Variants in HSPH1 observed in about 807,000 individuals in gnomAD.
HSPH1 encodes heat shock protein family H (Hsp110) member 1.
HSPH1 carries 40 observed loss-of-function variants against 100.0 expected under a neutral mutation model. The ratio of observed to expected loss-of-function variants is 0.40; its 90% confidence interval spans 0.31 to 0.52. HSPH1 has a LOEUF of 0.52. Among genes scored for constraint, HSPH1 ranks in the 20% least tolerant of loss-of-function variants. HSPH1 has a pLI of 0.54. For synonymous variants in HSPH1, 403 were observed against 344.0 expected (o/e 1.17, Z -1.90); for missense variants, 876 against 1,015.1 (o/e 0.86, Z 1.86).
intron 8 of HSPH1, among the ~76,000 whole-genome samples, chr13:31,148,739 A>G (rs1426163916): frequency 1.3e-5 from 2 of 152,068 alleles, no homozygotes; most frequent in Non-Finnish European, 2.9e-5. Context: ...TTCACAGGGG[A>G]TTAGGAAAAA....
chr13:31,146,413 G>A (rs2137576262), intron 10 of HSPH1, among the ~76,000 whole-genome samples: 1 of 152,256 alleles, frequency 6.6e-6, no homozygotes, highest in South Asian at 2.1e-4. Context: ...AGCAGTCCTT[G>A]TCTCCTCCTA....
At position 31,140,266 on chromosome 13, in the gene HSPH1, T is replaced by C; in HGVS notation, c.1898A>G (p.Asp633Gly). ...MQDKLEKERN[D>G]AKNAVEEYVY... Reference sequence around the variant, plus strand: ...ATATTCCTCAACTGCATTTTTAGCATCATTCCTTTCTTTTTCCAATTTATC... The same window carrying C: ...ATATTCCTCAACTGCATTTTTAGCACCATTCCTTTCTTTTTCCAATTTATC... Residue 633 changes from aspartate (D) to glycine (G), a missense_variant, in exon 14 of 18, where the codon GAT (aspartate) becomes GGT (glycine). Transcript: ENST00000320027. 6.2e-7 allele frequency: 1 copy of C among 1,611,360 alleles called. No individual in the cohort carries two copies. Among genetic ancestry groups the C allele is most frequent in the Non-Finnish European group, 8.5e-7 (1 of 1,178,488 alleles).
intron 10 of HSPH1, among the ~76,000 whole-genome samples, chr13:31,146,057 C>T (rs1033170287): frequency 6.6e-6 from 1 of 152,144 alleles, no homozygotes; most frequent in Admixed American, 6.6e-5. Flanking sequence ...ACTCCTTGAG[C>T]CCAAGAGTTC....
intron 13 of HSPH1, chr13:31,140,654 C>T (rs535649505): frequency 5.6e-6 from 1 of 179,230 alleles, no homozygotes; most frequent in Non-Finnish European, 1.2e-5. Flanking sequence ...CAATGTATAA[C>T]AGTCACACCA....
At position 31,151,153 on chromosome 13, in the gene HSPH1, T is replaced by G. The variant is rs1956474220; in HGVS notation, c.702A>C (p.Lys234Asn). Residue 234 changes from lysine (K) to asparagine (N), a missense_variant, in exon 7 of 18, where the codon AAA becomes AAC. Physicochemically the swap from Lys to Asn is moderately conservative, Grantham distance 94 (BLOSUM62 0). Transcript: ENST00000320027. ...GTAFDPFLGG[K>N]NFDEKLVEHF... is the part of the protein sequence containing the mutation. Reference sequence around the variant, plus strand: ...GTTCCACTAACTTTTCATCGAAGTTTTTTCCTCCTAAGAAAGGATCAAAAG... The same window carrying G: ...GTTCCACTAACTTTTCATCGAAGTTGTTTCCTCCTAAGAAAGGATCAAAAG... 6.2e-7 allele frequency: 1 copy of G among 1,613,168 alleles called. No homozygotes were observed. The highest frequency in any genetic ancestry group is 1.1e-5 in the South Asian group (1 of 91,026).
Position 31,154,763 on chromosome 13 carries a change from G to T in HSPH1, c.307-8C>A. 1 of 1,607,468 alleles carries T rather than the reference G, an allele frequency of 6.2e-7. No individual in the cohort carries two copies. ...TTCACCCATGTACATTACCTATATT[G>T]AAGGGAAAAAATGTTTTAAACATTG... On this transcript the variant is annotated splice_polypyrimidine_tract_variant and splice_region_variant and intron_variant, in intron 3 of 17. Coordinates refer to ENST00000320027, the MANE Select transcript of HSPH1 (RefSeq NM_006644.4).
chr13:31,161,451 T>C (rs1200243589), intron 1 of HSPH1, 25 bp downstream of exon 1: 9 of 1,613,132 alleles, frequency 5.6e-6, no homozygotes, highest in Non-Finnish European at 6.8e-6. Flanking sequence ...CCTCCTCCCA[T>C]CCACCCTCGC....
intron 1 of HSPH1, 21 bp downstream of exon 1, chr13:31,161,455 C>G (rs752871800): frequency 1.4e-5 from 22 of 1,613,542 alleles, no homozygotes; most frequent in Non-Finnish European, 1.8e-5. Context: ...CTCCCATCCA[C>G]CCTCGCAGAC....
At position 31,151,102 on chromosome 13, in the gene HSPH1, CTTAGTT is replaced by C; in HGVS notation, c.747_752del (p.Thr250_Lys251del). 1 of 1,613,718 alleles carries C rather than the reference CTTAGTT, an allele frequency of 6.2e-7. No homozygotes were observed. Among genetic ancestry groups the C allele is most frequent in the East Asian group, 2.2e-5 (1 of 44,862 alleles). On this transcript the variant is annotated inframe_deletion, in exon 7 of 18. Transcript: ENST00000320027. ...TTTTGGATTTTGCATCCAACTTGTA[CTTAGTT>C]TTAAATTCTGCACAAAAATGTTCCA...
intron 6 of HSPH1, 26 bp from the exon 7 acceptor site, chr13:31,151,217 T>G (rs1332997705): frequency 6.4e-7 from 1 of 1,558,056 alleles, no homozygotes; most frequent in East Asian, 2.2e-5. Flanking sequence ...CAACAAATAG[T>G]CTGGTTATTT....
intron 17 of HSPH1, among the ~76,000 whole-genome samples, chr13:31,138,057 T>C (rs574874197): frequency 3.3e-5 from 5 of 152,246 alleles, no homozygotes; most frequent in South Asian, 4.1e-4. Context: ...ACATCTCTGA[T>C]AGATGACACA....
chr13:31,143,937 C>A lies in HSPH1; in HGVS notation c.1585-14G>T. On this transcript the variant is annotated splice_polypyrimidine_tract_variant and intron_variant, in intron 11 of 17. Transcript: ENST00000320027. ...CTGGACATTTTTCTGAAATGAAAGCCCAGGCACAAAGGATGTAGAAAGCAG... is the reference window on the plus strand; with the variant it reads ...CTGGACATTTTTCTGAAATGAAAGCACAGGCACAAAGGATGTAGAAAGCAG... 1 of 1,575,938 alleles carries A rather than the reference C, an allele frequency of 6.3e-7. No homozygotes were observed. The highest frequency in any genetic ancestry group is 1.8e-5 in the Admixed American group (1 of 55,786).
At chr13:31,148,718 C>T (rs1956368007) in intron 8 of HSPH1, among the ~76,000 whole-genome samples, 1 of 151,852 alleles carries the variant, frequency 6.6e-6, no homozygotes, top group South Asian at 2.1e-4. Context: ...GACAATTAAT[C>T]AATAACAGGT....
At chr13:31,159,723 G>A (rs1036633404) in intron 1 of HSPH1, among the ~76,000 whole-genome samples, 2 of 152,120 alleles carry the variant, frequency 1.3e-5, no homozygotes, top group East Asian at 1.9e-4. Flanking sequence ...AATGGTAAAC[G>A]AGATGAGCAA....
rs1487621268 is a variant in HSPH1, at chr13:31,137,044, C to G, written c.*274G>C. On this transcript the variant is annotated 3_prime_UTR_variant, in exon 18 of 18. Coordinates refer to ENST00000320027, the MANE Select transcript of HSPH1 (RefSeq NM_006644.4). ...TTTTTTTTCTCCAAAAGACAAAAGT[C>G]AGTTTCATCCTCAGTGATGCAAATG... The G allele has an allele frequency of 8.8e-6, 5 of 570,400 alleles. No homozygotes were observed. Among genetic ancestry groups the G allele is most frequent in the Non-Finnish European group, 1.7e-5 (5 of 302,556 alleles). 35.3% of individuals were successfully genotyped at this position (570,400 alleles called of 1,614,324 possible).
intron 5 of HSPH1, 154 bp from the exon 6 acceptor site, chr13:31,151,896 T>C: frequency 1.7e-6 from 1 of 602,464 alleles, no homozygotes; most frequent in East Asian, 2.9e-5. Context: ...TTCACACTGA[T>C]TTTCTTGGAA....
Position 31,161,347 on chromosome 13 carries a change from C to A in HSPH1, c.107+129G>T, listed in dbSNP as rs1006336181. The A allele has an allele frequency of 2.7e-6, 4 of 1,464,824 alleles. No individual in the cohort carries two copies. In the African/African-American group the frequency reaches 4.2e-5, roughly 15 times the overall value. The allele number at this position is 1,464,824 out of a possible 1,614,324, so 90.7% of individuals were successfully genotyped here. On this transcript the variant is annotated intron_variant, in intron 1 of 17. Transcript: ENST00000320027. The stretch of plus-strand genomic sequence containing the variant: ...GCCGGGTCGCTGGTCCCTAGTTCCA[C>A]GGAGGGGTGCGCCGCTGCCCAAACG...
In HSPH1 at chr13:31,145,739, G is replaced by A; in HGVS notation, c.1408C>T (p.Gln470Ter). 6.2e-7 allele frequency: 1 copy of A among 1,613,464 alleles called. No homozygotes were observed. Among genetic ancestry groups the A allele is most frequent in the Non-Finnish European group, 8.5e-7 (1 of 1,179,660 alleles). The change falls in exon 11 of 18, where the codon CAG (glutamine) becomes TAG (stop). Residue 470 changes from glutamine (Q) to a stop codon, truncating the protein, a stop_gained. Transcript: ENST00000320027. LOFTEE classifies it high-confidence loss of function. The part of the protein sequence containing the change: ...GRFVVQNVSA[Q>*]KDGEKSRVKV... ...ACTCTAGATTTTTCTCCATCTTTCT[G>A]TGCAGAAACATTCTGAACTACAAAG...
rs745910798 is a variant in HSPH1 at position 31,145,792 on chromosome 13, A to C, written c.1379-24T>G. 5.0e-6 allele frequency: 8 copies of C among 1,601,778 alleles called. No individual in the cohort carries two copies. The East Asian group carries it at 1.6e-4, about 31-fold the overall frequency. On this transcript the variant is annotated intron_variant, in intron 10 of 17. Coordinates refer to ENST00000320027, the MANE Select transcript of HSPH1 (RefSeq NM_006644.4). ...GCCTAGAACAACAACAACAAAAATC[A>C]CAAAATCACAATTTATTTAGAATTA...
Sources: allele counts gnomAD v4.1 joint callset (sites outside exome capture counted in the v4.1 genomes callset), GRCh38; gene constraint gnomAD v4.1.1; transcripts MANE v1.5; gene names NCBI Gene and HGNC (gene_info 2026-07-23, HGNC 2026-07-21).